RASEF: variants seen among roughly 807,000 people sequenced by gnomAD.
RASEF encodes ras and EF-hand domain-containing protein.
In RASEF, 68 loss-of-function variants were observed where a neutral mutation model predicts 90.1. The observed-to-expected ratio is 0.75, with a 90% CI of 0.62 to 0.92. RASEF has a LOEUF of 0.92. Among genes scored for constraint, RASEF ranks in the 40% least tolerant of loss-of-function variants. The probability of loss-of-function intolerance (pLI) is 0.00; values close to 1 mark genes in which losing one functional copy is unlikely to be tolerated. For synonymous variants in RASEF, 331 were observed against 345.2 expected, an observed-to-expected ratio of 0.96 and a Z score of 0.46; for missense variants, 949 against 937.2, an observed-to-expected ratio of 1.01 and a Z score of -0.16.
At chr9:83,143,065 A>G in the RASEF span, among the ~76,000 whole-genome samples, 2 of 152,168 alleles carry the variant, frequency 1.3e-5, no homozygotes, top group Non-Finnish European at 2.9e-5. Flanking sequence ...GTATTAAGTG[A>G]CTGTTATGGA....
At chr9:83,039,699 G>A (rs369562734) in intron 1 of RASEF, among the ~76,000 whole-genome samples, 9 of 152,262 alleles carry the variant, frequency 5.9e-5, no homozygotes, top group South Asian at 4.1e-4. Context: ...AGTCTTCAGC[G>A]TGCTGCTGCC....
upstream of RASEF, chr9:83,063,171 C>G (rs1264172274): frequency 2.7e-6 from 1 of 375,132 alleles, no homozygotes; most frequent in Non-Finnish European, 4.8e-6. Flanking sequence ...GTGGCTCTCG[C>G]CACTTTCCCG....
the RASEF span, among the ~76,000 whole-genome samples, chr9:83,192,147 TG>T: frequency 2.0e-5 from 3 of 152,312 alleles, no homozygotes; most frequent in South Asian, 6.2e-4. Flanking sequence ...AGCAGTGTTG[TG>T]GTTCCTCAAA....
chr9:83,128,002 T>A, the RASEF span, among the ~76,000 whole-genome samples: 1 of 149,744 alleles, frequency 6.7e-6, no homozygotes, highest in Non-Finnish European at 1.5e-5. Flanking sequence ...TATAAAGGGC[T>A]TTTTCTTTTT....
intron 1 of RASEF, among the ~76,000 whole-genome samples, chr9:83,036,116 C>T (rs555633263): frequency 1.6e-4 from 25 of 152,304 alleles, no homozygotes; most frequent in African/African-American, 6.0e-4. Flanking sequence ...GGAATAAACC[C>T]ATCTCTCCTT....
intron 14 of RASEF, among the ~76,000 whole-genome samples, chr9:82,995,824 G>A (rs964921656): frequency 3.9e-5 from 6 of 152,116 alleles, no homozygotes; most frequent in Non-Finnish European, 7.4e-5. Flanking sequence ...CAGGAGGTTC[G>A]GTTTGAGCCC....
chr9:83,148,274 G>C, the RASEF span, among the ~76,000 whole-genome samples: 7 of 152,148 alleles, frequency 4.6e-5, no homozygotes, highest in African/African-American at 1.7e-4. Flanking sequence ...GTTATGGGCT[G>C]AACTGTGATC....
chr9:83,125,400 C>T, the RASEF span, among the ~76,000 whole-genome samples: 1 of 152,118 alleles, frequency 6.6e-6, no homozygotes, highest in Admixed American at 6.6e-5. Flanking sequence ...AGCTCCAGAA[C>T]CTTAATATAA....
At chr9:83,196,325 C>G in the RASEF span, among the ~76,000 whole-genome samples, 1 of 152,020 alleles carries the variant, frequency 6.6e-6, no homozygotes, top group Non-Finnish European at 1.5e-5. Flanking sequence ...TGGCTCTGCA[C>G]CTGGGATGGG....
chr9:83,217,606 T>TG, the RASEF span, among the ~76,000 whole-genome samples: 1 of 152,316 alleles, frequency 6.6e-6, no homozygotes, highest in African/African-American at 2.4e-5. Context: ...TCTTGCCTGC[T>TG]GCCATGTAAG....
chr9:82,994,664 G>T (rs981424193), intron 14 of RASEF, among the ~76,000 whole-genome samples: 4 of 152,206 alleles, frequency 2.6e-5, no homozygotes, highest in Admixed American at 6.5e-5. Context: ...AAATAGTTTT[G>T]AATGTGTTAA....
In RASEF at chr9:83,000,275, C is replaced by T; in HGVS notation, c.1617G>A (p.Gln539=). 6.2e-7 allele frequency: 1 copy of T among 1,614,092 alleles called. No homozygotes were observed. The highest frequency in any genetic ancestry group is 8.5e-7 in the Non-Finnish European group (1 of 1,180,000). The change falls in exon 12 of 17, where the codon CAG becomes CAA. Residue 539 remains glutamine (Q), a synonymous_variant. Coordinates refer to ENST00000376447, the MANE Select transcript of RASEF (RefSeq NM_152573.4). ...VDDNAKSFSS[Q]KAYKIVLAGD... is the part of the protein sequence containing the mutation. ...CAGCAAGTACAATCTTGTAAGCCTT[C>T]TGTGAGCTAAAAGATTTAGCGTTGT...
chr9:83,036,816 A>C (rs530602552), intron 1 of RASEF, among the ~76,000 whole-genome samples: 1 of 152,190 alleles, frequency 6.6e-6, no homozygotes, highest in African/African-American at 2.4e-5. Flanking sequence ...TACTACACCA[A>C]AGCAAGATAT....
rs147216417 is a variant in RASEF, at chr9:83,000,462, T to C, written c.1546A>G (p.Arg516Gly). ...VSEGSIVSSSRKPISALSPQT... is the reference protein window; with the variant it reads ...VSEGSIVSSSGKPISALSPQT... The stretch of plus-strand genomic sequence containing the variant: ...GGCGAGAGTGCTGAGATGGGCTTTC[T>C]TGATGAACTAACAATGCTGCCTTCA... The change falls in exon 11 of 17, where the codon AGA becomes GGA. Residue 516 changes from arginine to glycine, a missense_variant. Transcript: ENST00000376447. 1,234 of 1,614,098 alleles carry C rather than the reference T, an allele frequency of 7.6e-4. 1 individual carries two copies. The highest frequency in any genetic ancestry group is 1.2e-3 in the Admixed American group (74 of 60,016).
At chr9:83,033,299 C>A (rs1333455959) in intron 1 of RASEF, among the ~76,000 whole-genome samples, 2 of 152,150 alleles carry the variant, frequency 1.3e-5, no homozygotes, top group Non-Finnish European at 2.9e-5. Flanking sequence ...TTCCTTCCTG[C>A]ATAAAGCTCA....
At chr9:83,086,899 T>G in the RASEF span, among the ~76,000 whole-genome samples, 1 of 152,188 alleles carries the variant, frequency 6.6e-6, no homozygotes, top group Non-Finnish European at 1.5e-5. Context: ...CCTTCACTTC[T>G]GCTGTATTCT....
chr9:82,999,483 C>T (rs1022946764), intron 12 of RASEF, among the ~76,000 whole-genome samples: 3 of 152,092 alleles, frequency 2.0e-5, no homozygotes, highest in African/African-American at 4.8e-5. Flanking sequence ...CATGGTGTAT[C>T]GTTTGTACCT....
At chr9:83,126,269 G>C in the RASEF span, among the ~76,000 whole-genome samples, 1 of 152,090 alleles carries the variant, frequency 6.6e-6, no homozygotes, top group African/African-American at 2.4e-5. Flanking sequence ...TAGTGCTCCT[G>C]TAAGAAGAGA....
chr9:83,137,377 AG>A, the RASEF span, among the ~76,000 whole-genome samples: 2 of 152,236 alleles, frequency 1.3e-5, no homozygotes, highest in Admixed American at 6.5e-5. Context: ...TGTAATAAAA[AG>A]ATAATAATCA....
Sources: allele counts gnomAD v4.1 joint callset (sites outside exome capture counted in the v4.1 genomes callset), GRCh38; gene constraint gnomAD v4.1.1; transcripts MANE v1.5; gene names NCBI Gene and HGNC (gene_info 2026-07-23, HGNC 2026-07-21).